The following TBCK variants were observed in gnomAD, a reference collection of about 807,000 sequenced individuals.
TBCK encodes the protein TBC1 domain containing kinase.
In TBCK, 99 loss-of-function variants were observed where a neutral mutation model predicts 113.4. That is an observed-to-expected ratio of 0.87 (90% CI 0.74 to 1.03). The LOEUF (loss-of-function observed/expected upper bound fraction) is 1.03, where lower values mean the gene tolerates loss of function less well. Among genes scored for constraint, TBCK ranks in the 50% least tolerant of loss-of-function variants. TBCK has a pLI of 0.00. For synonymous variants in TBCK, 369 were observed against 370.8 expected, an observed-to-expected ratio of 1.00 and a Z score of 0.05; for missense variants, 1,045 against 1,061.3, an observed-to-expected ratio of 0.98 and a Z score of 0.21.
At chr4:106,081,656 T>C (rs1030654259) in intron 25 of TBCK, among the ~76,000 whole-genome samples, 6 of 150,678 alleles carry the variant, frequency 4.0e-5, no homozygotes, top group African/African-American at 1.5e-4. Flanking sequence ...ATCCTGTATG[T>C]AACCTGGAAC....
At chr4:106,197,817 G>A (rs1030824689) in intron 20 of TBCK, among the ~76,000 whole-genome samples, 1 of 151,892 alleles carries the variant, frequency 6.6e-6, no homozygotes, top group Non-Finnish European at 1.5e-5. Flanking sequence ...AAAAATCTTA[G>A]GTATAAAAGT....
At chr4:106,064,509 T>C (rs1736406905) in intron 25 of TBCK, among the ~76,000 whole-genome samples, 1 of 151,798 alleles carries the variant, frequency 6.6e-6, no homozygotes, top group East Asian at 1.9e-4. Context: ...GTGCCAAGAA[T>C]ATAACAATTT....
chr4:106,206,099 C>G (rs1280278605), intron 20 of TBCK, among the ~76,000 whole-genome samples: 1 of 151,928 alleles, frequency 6.6e-6, no homozygotes, highest in Admixed American at 6.6e-5. Context: ...TAAACAAAAA[C>G]TCTTTGAGGT....
At chr4:106,056,216 A>C (rs1735369527) in intron 25 of TBCK, among the ~76,000 whole-genome samples, 1 of 151,260 alleles carries the variant, frequency 6.6e-6, no homozygotes. Flanking sequence ...TAACAGTATC[A>C]GCAACCTCCC....
intron 3 of TBCK, among the ~76,000 whole-genome samples, chr4:106,284,817 G>A (rs539776860): frequency 6.6e-6 from 1 of 152,054 alleles, no homozygotes; most frequent in Non-Finnish European, 1.5e-5. Context: ...AGTGATAAAG[G>A]TATATCTGTT....
In TBCK at chr4:106,054,116, C is replaced by T. The variant is rs535278769; in HGVS notation, c.2572-7436G>A. On this transcript the variant is annotated intron_variant, in intron 25 of 25. Transcript: ENST00000394708. ...CATAACCTGTCACAAAGCATTTTAACGGCCTGTAGCTTTATTCAGAATACA... is the reference window on the plus strand; with the variant it reads ...CATAACCTGTCACAAAGCATTTTAATGGCCTGTAGCTTTATTCAGAATACA... Among the ~76,000 whole-genome samples the T allele has an allele frequency of 6.3e-4, 95 of 151,768 alleles. 3 individuals carry two copies. The highest frequency in any genetic ancestry group is 1.7e-3 in the Admixed American group (26 of 15,190).
chr4:106,120,241 T>C (rs1744114528), intron 23 of TBCK, among the ~76,000 whole-genome samples: 1 of 152,078 alleles, frequency 6.6e-6, no homozygotes, highest in Non-Finnish European at 1.5e-5. Flanking sequence ...CCCACCCGAA[T>C]ATTGCGCTTT....
At chr4:106,073,505 A>G (rs1223892128) in intron 25 of TBCK, among the ~76,000 whole-genome samples, 4 of 152,164 alleles carry the variant, frequency 2.6e-5, no homozygotes, top group Non-Finnish European at 5.9e-5. Context: ...TCAGAGGGGC[A>G]CCTGGGTGTA....
intron 19 of TBCK, among the ~76,000 whole-genome samples, chr4:106,223,077 C>A (rs1757880371): frequency 6.6e-6 from 1 of 151,992 alleles, no homozygotes. Context: ...TCACATGATA[C>A]AAGATATTCT....
chr4:106,187,749 C>T (rs1342719839), intron 22 of TBCK, among the ~76,000 whole-genome samples: 1 of 152,044 alleles, frequency 6.6e-6, no homozygotes, highest in African/African-American at 2.4e-5. Context: ...TTGTAGTTAT[C>T]GTTGTAGAGA....
rs1407319011 is a variant in TBCK, at chr4:106,248,051, GTTTAAC to G, written c.782+188_782+193del. The G allele has an allele frequency of 2.8e-4, 111 of 392,728 alleles. 1 individual carries two copies. The East Asian group carries it at 4.0e-3, about 14-fold the overall frequency. The allele number at this position is 392,728 out of a possible 1,614,324, so 24.3% of individuals were successfully genotyped here. A position where few individuals can be genotyped will look rare whatever the true frequency, so the allele number is the denominator to read the frequency against. On this transcript the variant is annotated intron_variant, in intron 9 of 25. Coordinates refer to ENST00000394708, the MANE Select transcript of TBCK (RefSeq NM_001163435.3). Reference sequence around the variant, plus strand: ...AGTGTATGTCAGTTTTCTGACCGTAGTTTAACTTTAATTACTTTTTCATTAATTCAC... The same window carrying G: ...AGTGTATGTCAGTTTTCTGACCGTAGTTTAATTACTTTTTCATTAATTCAC...
chr4:106,230,374 T>C lies in TBCK; in HGVS notation c.1763A>G (p.His588Arg), dbSNP rs1290790483. 3 of 1,591,270 alleles carry C rather than the reference T, an allele frequency of 1.9e-6. No individual in the cohort carries two copies. Among genetic ancestry groups the C allele is most frequent in the African/African-American group, 1.3e-5 (1 of 74,326 alleles). ...LYNFFLKDNS[H>R]VIQEYLTVFS... ...AGACATTTGCTTACCTTGTATTACA[T>C]GTGAGTTGTCTTTTAAGAAGAAGTT... The change falls in exon 19 of 26, where the codon CAT becomes CGT. Residue 588 changes from histidine to arginine, a missense_variant. Transcript: ENST00000394708.
intron 24 of TBCK, among the ~76,000 whole-genome samples, chr4:106,101,423 C>A (rs553812186): frequency 4.3e-4 from 66 of 152,180 alleles, no homozygotes; most frequent in African/African-American, 1.6e-3. Flanking sequence ...ATGAAAAAAA[C>A]CTTACTAAAC....
At chr4:106,113,316 AG>A (rs1743076212) in intron 24 of TBCK, among the ~76,000 whole-genome samples, 1 of 152,198 alleles carries the variant, frequency 6.6e-6, no homozygotes, top group African/African-American at 2.4e-5. Flanking sequence ...AAAACAAAAA[AG>A]GGGGAATATG....
intron 3 of TBCK, among the ~76,000 whole-genome samples, chr4:106,268,175 G>C (rs1763158445): frequency 6.6e-6 from 1 of 151,862 alleles, no homozygotes; most frequent in East Asian, 1.9e-4. Flanking sequence ...TCTTTATTCT[G>C]ACAGATATGG....
rs892854841 is a variant in TBCK, at chr4:106,046,174, A to G, written c.*396T>C. Reference sequence around the variant, plus strand: ...TTCATTATGGAAAGATGATGATTTCAGCCCACATTCAGTGTATGTTTCTAA... The same window carrying G: ...TTCATTATGGAAAGATGATGATTTCGGCCCACATTCAGTGTATGTTTCTAA... On this transcript the variant is annotated 3_prime_UTR_variant, in exon 26 of 26. Transcript: ENST00000394708. The G allele has an allele frequency of 6.4e-6, 1 of 155,846 alleles. No individual in the cohort carries two copies. Among genetic ancestry groups the G allele is most frequent in the African/African-American group, 2.4e-5 (1 of 41,556 alleles). 9.7% of individuals were successfully genotyped at this position (155,846 alleles called of 1,614,324 possible). A position where few individuals can be genotyped will look rare whatever the true frequency, so the allele number is the denominator to read the frequency against.
Position 106,242,553 on chromosome 4 carries a change from C to T in TBCK, c.1087G>A (p.Gly363Ser). The change falls in exon 12 of 26, where the codon GGT becomes AGT. Residue 363 changes from glycine to serine, a missense_variant. By Grantham distance (56) the Gly-to-Ser change is moderately conservative. Transcript: ENST00000394708. ...CTLPNFLFED[G>S]ESFGQGRDRS... Reference sequence around the variant, plus strand: ...TCTCGACCTTGTCCAAAGCTTTCACCATCCTCAAAGAGAAAACTGAAAAGA... The same window carrying T: ...TCTCGACCTTGTCCAAAGCTTTCACTATCCTCAAAGAGAAAACTGAAAAGA... 1 of 1,603,580 alleles carries T rather than the reference C, an allele frequency of 6.2e-7. No individual in the cohort carries two copies. Among genetic ancestry groups the T allele is most frequent in the Non-Finnish European group, 8.5e-7 (1 of 1,175,714 alleles).
rs190482046 is a variant in TBCK, at chr4:106,077,013, A to T, written c.2571+18469T>A. On this transcript the variant is annotated intron_variant, in intron 25 of 25. Transcript: ENST00000394708. Reference sequence around the variant, plus strand: ...CAGCTACTTAAGAGACTGAGGTGGGATCATTTGAGCCCAGGATGCAGAGGT... The same window carrying T: ...CAGCTACTTAAGAGACTGAGGTGGGTTCATTTGAGCCCAGGATGCAGAGGT... Among the ~76,000 whole-genome samples, 146 of 152,206 alleles carry T rather than the reference A, an allele frequency of 9.6e-4. 1 individual carries two copies. The highest frequency in any genetic ancestry group is 3.5e-3 in the African/African-American group (144 of 41,530).
At chr4:106,083,546 G>T (rs1427226136) in intron 25 of TBCK, among the ~76,000 whole-genome samples, 8 of 152,098 alleles carry the variant, frequency 5.3e-5, no homozygotes, top group African/African-American at 1.9e-4. Context: ...CAGACGAGTG[G>T]GTTTCCCCCC....
Sources: allele counts gnomAD v4.1 joint callset (sites outside exome capture counted in the v4.1 genomes callset), GRCh38; gene constraint gnomAD v4.1.1; transcripts MANE v1.5; gene names NCBI Gene and HGNC (gene_info 2026-07-23, HGNC 2026-07-21).